ONECUT2: variants seen among roughly 807,000 people sequenced by gnomAD.
The protein encoded by ONECUT2 is one cut homeobox 2, also known as one cut domain family member 2.
Under a neutral mutation model 27.9 loss-of-function variants are expected in ONECUT2, and 10 were observed. The observed-to-expected ratio is 0.36, with a 90% CI of 0.22 to 0.61. The LOEUF is 0.61. ONECUT2 is among the 20% of genes least tolerant of loss of function. The pLI, the probability that ONECUT2 is intolerant of heterozygous loss-of-function variation, is 0.73. For synonymous variants in ONECUT2, 334 were observed against 315.1 expected, an observed-to-expected ratio of 1.06 and a Z score of -0.64; for missense variants, 686 against 721.0, an observed-to-expected ratio of 0.95 and a Z score of 0.56.
intron 1 of ONECUT2, among the ~76,000 whole-genome samples, chr18:57,439,723 C>G (rs942284921): frequency 6.6e-6 from 1 of 152,168 alleles, no homozygotes; most frequent in African/African-American, 2.4e-5. Flanking sequence ...GGGGGTTTAA[C>G]AAGCCCAGCC....
intron 1 of ONECUT2, among the ~76,000 whole-genome samples, chr18:57,439,656 G>A (rs1030892805): frequency 6.6e-6 from 1 of 152,156 alleles, no homozygotes; most frequent in Non-Finnish European, 1.5e-5. Context: ...TCTCCGCCCG[G>A]AGTATCGATC....
In ONECUT2 at chr18:57,435,990, G is replaced by A; in HGVS notation, c.274G>A (p.Gly92Ser). The A allele has an allele frequency of 1.3e-6, 2 of 1,505,124 alleles. No homozygotes were observed. Among genetic ancestry groups the A allele is most frequent in the Non-Finnish European group, 1.8e-6 (2 of 1,130,832 alleles). The allele number at this position is 1,505,124 out of a possible 1,614,324, so 93.2% of individuals were successfully genotyped here. A position where few individuals can be genotyped will look rare whatever the true frequency, so the allele number is the denominator to read the frequency against. The change falls in exon 1 of 2, where the codon GGC becomes AGC. Residue 92 changes from glycine to serine, a missense_variant. By Grantham distance (56) the Gly-to-Ser change is moderately conservative. Around this residue, in one of 4 missense-constraint regions of ONECUT2, gnomAD observed 511 missense variants for 488.1 expected, o/e 1.05. Coordinates refer to ENST00000491143, the MANE Select transcript of ONECUT2 (RefSeq NM_004852.3). ...GCCTCCAACCGCGCACCAGGAGCTG[G>A]GCACGGCGGCAGCGGCGGCAGCGGC... ...PPPPTAHQEL[G>S]TAAAAAAAAS...
chr18:57,463,755 T>A (rs893332244), intron 1 of ONECUT2, among the ~76,000 whole-genome samples: 1 of 152,212 alleles, frequency 6.6e-6, no homozygotes, highest in African/African-American at 2.4e-5. Context: ...TTTCATTTAC[T>A]GTTTGATGTG....
At position 57,482,673 on chromosome 18, in the gene ONECUT2, C is replaced by T. The variant is rs1345479199; in HGVS notation, c.*5950C>T. The T allele has an allele frequency of 2.6e-5, 4 of 152,134 alleles. No homozygotes were observed. Among genetic ancestry groups the T allele is most frequent in the Non-Finnish European group, 5.9e-5 (4 of 68,028 alleles). The allele number at this position is 152,134 out of a possible 1,614,324, so 9.4% of individuals were successfully genotyped here. Reference sequence around the variant, plus strand: ...TACAGTCTGTCCGCTTGGATGTATACAAATTTAGATACATATTTTAACATG... The same window carrying T: ...TACAGTCTGTCCGCTTGGATGTATATAAATTTAGATACATATTTTAACATG... On this transcript the variant is annotated 3_prime_UTR_variant, in exon 2 of 2. Transcript: ENST00000491143.
Position 57,491,288 on chromosome 18 carries a change from T to C in ONECUT2, c.*14565T>C, listed in dbSNP as rs2050464593. On this transcript the variant is annotated 3_prime_UTR_variant, in exon 2 of 2. Coordinates refer to ENST00000491143, the MANE Select transcript of ONECUT2 (RefSeq NM_004852.3). ...GCAATTAATGTTAAATAAACTGCTT[T>C]AATTCATTGACCATGGCTCAGTTGC... is the stretch of plus-strand genomic sequence containing the variant. 6 of 152,648 alleles carry C rather than the reference T, an allele frequency of 3.9e-5. No individual in the cohort carries two copies. The highest frequency in any genetic ancestry group is 2.6e-4 in the Admixed American group (4 of 15,280). 9.5% of individuals were successfully genotyped at this position (152,648 alleles called of 1,614,324 possible).
Position 57,477,339 on chromosome 18 carries a change from T to C in ONECUT2, c.*616T>C, listed in dbSNP as rs1432320849. ...CGTTAAAAAAAAAAATCCAAGGACCTGTTTTTCCAACCCAGACATCTTTTC... is the reference window on the plus strand; with the variant it reads ...CGTTAAAAAAAAAAATCCAAGGACCCGTTTTTCCAACCCAGACATCTTTTC... On this transcript the variant is annotated 3_prime_UTR_variant, in exon 2 of 2. Coordinates refer to ENST00000491143, the MANE Select transcript of ONECUT2 (RefSeq NM_004852.3). The C allele has an allele frequency of 2.0e-5, 3 of 152,476 alleles. No individual in the cohort carries two copies. Among genetic ancestry groups the C allele is most frequent in the Non-Finnish European group, 2.9e-5 (2 of 68,020 alleles). 9.4% of individuals were successfully genotyped at this position (152,476 alleles called of 1,614,324 possible). A position where few individuals can be genotyped will look rare whatever the true frequency, so the allele number is the denominator to read the frequency against.
Position 57,486,410 on chromosome 18 carries a change from C to T in ONECUT2, c.*9687C>T, listed in dbSNP as rs954978587. 1 of 152,630 alleles carries T rather than the reference C, an allele frequency of 6.6e-6. No individual in the cohort carries two copies. Among genetic ancestry groups the T allele is most frequent in the Non-Finnish European group, 1.5e-5 (1 of 68,062 alleles). 9.5% of individuals were successfully genotyped at this position (152,630 alleles called of 1,614,324 possible). ...TCTTTCTCTATGTCTCCTCCTCTGC[C>T]TCCCTCGTTCTTCCCTTTTTTCTAG... On this transcript the variant is annotated 3_prime_UTR_variant, in exon 2 of 2. Coordinates refer to ENST00000491143, the MANE Select transcript of ONECUT2 (RefSeq NM_004852.3).
intron 1 of ONECUT2, among the ~76,000 whole-genome samples, chr18:57,467,954 C>T (rs2050333181): frequency 1.3e-5 from 2 of 152,206 alleles, no homozygotes; most frequent in East Asian, 1.9e-4. Context: ...CCGCCATTCT[C>T]CCGCCCACAA....
intron 1 of ONECUT2, among the ~76,000 whole-genome samples, chr18:57,466,683 G>C (rs2050323011): frequency 6.6e-6 from 1 of 152,238 alleles, no homozygotes; most frequent in South Asian, 2.1e-4. Flanking sequence ...CACTGGACTA[G>C]ACAGGAGGGA....
chr18:57,483,458 C>T lies in ONECUT2; in HGVS notation c.*6735C>T, dbSNP rs1323087208. 1 of 152,556 alleles carries T rather than the reference C, an allele frequency of 6.6e-6. No homozygotes were observed. The highest frequency in any genetic ancestry group is 6.5e-5 in the Admixed American group (1 of 15,270). The allele number at this position is 152,556 out of a possible 1,614,324, so 9.5% of individuals were successfully genotyped here. A position where few individuals can be genotyped will look rare whatever the true frequency, so the allele number is the denominator to read the frequency against. On this transcript the variant is annotated 3_prime_UTR_variant, in exon 2 of 2. Coordinates refer to ENST00000491143, the MANE Select transcript of ONECUT2 (RefSeq NM_004852.3). ...CTTGTCTCTTTGGGTTATGACCCAACAAGCTAAGTACCATTAATGTAATTA... is the reference window on the plus strand; with the variant it reads ...CTTGTCTCTTTGGGTTATGACCCAATAAGCTAAGTACCATTAATGTAATTA...
intron 1 of ONECUT2, among the ~76,000 whole-genome samples, chr18:57,463,734 AATG>A (rs1333898697): frequency 1.3e-5 from 2 of 152,140 alleles, no homozygotes; most frequent in African/African-American, 4.8e-5. Context: ...TCCTATTGTA[AATG>A]ATATCATTTT....
chr18:57,438,544 C>T (rs931726032), intron 1 of ONECUT2, among the ~76,000 whole-genome samples: 21 of 152,208 alleles, frequency 1.4e-4, no homozygotes, highest in African/African-American at 5.1e-4. Flanking sequence ...GGGAATGTGA[C>T]AGGCAGCAGG....
intron 1 of ONECUT2, among the ~76,000 whole-genome samples, chr18:57,437,411 C>G (rs2050148968): frequency 6.6e-6 from 1 of 152,238 alleles, no homozygotes; most frequent in African/African-American, 2.4e-5. Flanking sequence ...TGACTAGTCT[C>G]CCTGTGCAGA....
rs1258382701 is a variant in ONECUT2 at position 57,486,172 on chromosome 18, C to T, written c.*9449C>T. 4 of 152,788 alleles carry T rather than the reference C, an allele frequency of 2.6e-5. No homozygotes were observed. Among genetic ancestry groups the T allele is most frequent in the African/African-American group, 9.6e-5 (4 of 41,454 alleles). The allele number at this position is 152,788 out of a possible 1,614,324, so 9.5% of individuals were successfully genotyped here. A position where few individuals can be genotyped will look rare whatever the true frequency, so the allele number is the denominator to read the frequency against. ...GCAATCCCCCCAGCCTCATGCTTCA[C>T]TTGCAAAGTGTGACATAACCACGGG... On this transcript the variant is annotated 3_prime_UTR_variant, in exon 2 of 2. Coordinates refer to ENST00000491143, the MANE Select transcript of ONECUT2 (RefSeq NM_004852.3).
intron 1 of ONECUT2, among the ~76,000 whole-genome samples, chr18:57,468,304 A>G (rs188228551): frequency 6.6e-6 from 1 of 152,312 alleles, no homozygotes; most frequent in Admixed American, 6.5e-5. Flanking sequence ...AAACAAAGCC[A>G]TTAAGTTTCT....
At chr18:57,447,371 C>G (rs2050205794) in intron 1 of ONECUT2, among the ~76,000 whole-genome samples, 1 of 152,238 alleles carries the variant, frequency 6.6e-6, no homozygotes, top group African/African-American at 2.4e-5. Context: ...AGAGCCTGAC[C>G]AGTATCTCCA....
In ONECUT2 at chr18:57,436,620, C is replaced by G. The variant is rs749383104; in HGVS notation, c.904C>G (p.Gln302Glu). 3 of 1,611,334 alleles carry G rather than the reference C, an allele frequency of 1.9e-6. No individual in the cohort carries two copies. The highest frequency in any genetic ancestry group is 2.5e-6 in the Non-Finnish European group (3 of 1,179,878). Residue 302 changes from glutamine (Q) to glutamate (E), a missense_variant, in exon 1 of 2, where the codon CAG becomes GAG. Transcript: ENST00000491143. This position sits in a 1 kb window ranked among gnomAD's most constrained non-coding sequence, Gnocchi z 5.9. ...CGGCCTGCACCACCCGGGCCACACT[C>G]AGTCTCACGGGCCGGTGCTGGCACC... ...LNGLHHPGHT[Q>E]SHGPVLAPSR...
chr18:57,476,450 A>T lies in ONECUT2; in HGVS notation c.1242A>T (p.Lys414Asn), dbSNP rs2050382243. The T allele has an allele frequency of 4.3e-6, 7 of 1,613,962 alleles. No individual in the cohort carries two copies. Among genetic ancestry groups the T allele is most frequent in the Non-Finnish European group, 5.9e-6 (7 of 1,179,942 alleles). The change falls in exon 2 of 2, where the codon AAA (lysine) becomes AAT (asparagine). Residue 414 changes from lysine to asparagine, a missense_variant. By Grantham distance (94) the Lys-to-Asn change is moderately conservative. Around this residue, in one of 4 missense-constraint regions of ONECUT2, gnomAD observed 51 missense variants for 41.3 expected, o/e 1.23. Transcript: ENST00000491143. ...SALRLAACKR[K>N]EQEPNKDRNN... ...TTTCCCTTCAAGCGTGCAAACGCAA[A>T]GAGCAAGAACCAAACAAAGACAGGA... is the stretch of plus-strand genomic sequence containing the variant.
chr18:57,454,959 G>A (rs1757975701), intron 1 of ONECUT2, among the ~76,000 whole-genome samples: 1 of 152,152 alleles, frequency 6.6e-6, no homozygotes, highest in Non-Finnish European at 1.5e-5. Flanking sequence ...TGTATTTGAT[G>A]GAAGTTCACA....
Sources: gnomAD v4.1 joint callset for allele counts (sites outside exome capture counted in the v4.1 genomes callset) on GRCh38, gnomAD v4.1.1 for gene constraint, gnomAD v4.1.1 regional missense constraint, Gnocchi (gnomAD v3.1) non-coding constraint, MANE v1.5 for transcripts, NCBI Gene and HGNC (gene_info 2026-07-23, HGNC 2026-07-21) for gene names.